ACRV1: variants seen among roughly 807,000 people sequenced by gnomAD.
The protein encoded by ACRV1 is acrosomal vesicle protein 1.
ACRV1 carries 17 observed loss-of-function variants against 29.2 expected under a neutral mutation model. The ratio of observed to expected loss-of-function variants is 0.58; its 90% confidence interval spans 0.40 to 0.87. The LOEUF (loss-of-function observed/expected upper bound fraction) is 0.87, where lower values mean the gene tolerates loss of function less well. Among genes scored for constraint, ACRV1 ranks in the 40% least tolerant of loss-of-function variants. The pLI is 0.00. For synonymous variants in ACRV1, 98 were observed against 111.6 expected, an observed-to-expected ratio of 0.88 and a Z score of 0.77; for missense variants, 294 against 316.0, an observed-to-expected ratio of 0.93 and a Z score of 0.53.
At chr11:125,679,309 C>T (rs1942691423) in intron 1 of ACRV1, among the ~76,000 whole-genome samples, 1 of 150,138 alleles carries the variant, frequency 6.7e-6, no homozygotes, top group African/African-American at 2.4e-5. Context: ...CCTCCGCCTC[C>T]CGGGTTCAAG....
intron 3 of ACRV1, among the ~76,000 whole-genome samples, chr11:125,673,126 C>T (rs1051701317): frequency 6.6e-6 from 1 of 152,074 alleles, no homozygotes; most frequent in South Asian, 2.1e-4. Flanking sequence ...GAGATCTACT[C>T]ATCAAATTCT....
intron 2 of ACRV1, among the ~76,000 whole-genome samples, 197 bp from the exon 3 acceptor site, chr11:125,676,675 C>T (rs943733403): frequency 2.6e-5 from 4 of 152,056 alleles, no homozygotes; most frequent in Admixed American, 6.6e-5. Flanking sequence ...CATCTCTGAC[C>T]CTCATTGCTG....
Position 125,677,818 on chromosome 11 carries a change from G to T in ACRV1, c.532C>A (p.Pro178Thr). The T allele has an allele frequency of 6.2e-7, 1 of 1,614,108 alleles. No homozygotes were observed. The highest frequency in any genetic ancestry group is 8.5e-7 in the Non-Finnish European group (1 of 1,180,004). ...HASGEQASGAPISSTSTGTIL... is the reference protein window; with the variant it reads ...HASGEQASGATISSTSTGTIL... ...TCACCTGTAGATGTGCTTGAAATTGGTGCACCTGAAGCCTGTTCCCCTGAA... is the reference window on the plus strand; with the variant it reads ...TCACCTGTAGATGTGCTTGAAATTGTTGCACCTGAAGCCTGTTCCCCTGAA... The change falls in exon 2 of 4, where the codon CCA becomes ACA. Residue 178 changes from proline (P) to threonine (T), a missense_variant. Transcript: ENST00000533904.
At chr11:125,680,613 G>T in intron 1 of ACRV1, 116 bp downstream of exon 1, 1 of 920,538 alleles carries the variant, frequency 1.1e-6, no homozygotes, top group Non-Finnish European at 1.7e-6. Flanking sequence ...AGCTGCTCTT[G>T]ATTCTGACTC....
In ACRV1 at chr11:125,671,964, A is replaced by G. The variant is rs2134099338; in HGVS notation, c.*629T>C. The G allele has an allele frequency of 6.6e-6, 1 of 152,378 alleles. No homozygotes were observed. The highest frequency in any genetic ancestry group is 1.5e-5 in the Non-Finnish European group (1 of 68,082). 9.4% of individuals were successfully genotyped at this position (152,378 alleles called of 1,614,324 possible). On this transcript the variant is annotated 3_prime_UTR_variant, in exon 4 of 4. Transcript: ENST00000533904. ...GTGTGAAAAAAATGATTTAAGCATT[A>G]TGAACTGCTGCAATATATAGCAAAT...
intron 3 of ACRV1, among the ~76,000 whole-genome samples, chr11:125,674,506 G>A (rs1565394014): frequency 6.6e-6 from 1 of 152,200 alleles, no homozygotes; most frequent in East Asian, 1.9e-4. Context: ...TAAGTGTAGA[G>A]TGTAAACAGG....
rs1174022234 is a variant in ACRV1, at chr11:125,676,064, C to T, written c.673+295G>A. ...CTGGGATTACAGGTGCCCACCACCA[C>T]ACCTGGCTAGGTTTTGTATTTTTAG... On this transcript the variant is annotated intron_variant, in intron 3 of 3. Coordinates refer to ENST00000533904, the MANE Select transcript of ACRV1 (RefSeq NM_001612.6). 2.7e-5 allele frequency: 7 copies of T among 260,020 alleles called. No homozygotes were observed. In the South Asian group the frequency reaches 4.3e-4, roughly 16 times the overall value. 16.1% of individuals were successfully genotyped at this position (260,020 alleles called of 1,614,324 possible). A position where few individuals can be genotyped will look rare whatever the true frequency, so the allele number is the denominator to read the frequency against.
rs1942766128 is a variant in ACRV1, at chr11:125,680,833, G to A, written c.-53C>T. 1 of 1,489,552 alleles carries A rather than the reference G, an allele frequency of 6.7e-7. No individual in the cohort carries two copies. Among genetic ancestry groups the A allele is most frequent in the Middle Eastern group, 1.7e-4 (1 of 5,736 alleles). The allele number at this position is 1,489,552 out of a possible 1,614,324, so 92.3% of individuals were successfully genotyped here. On this transcript the variant is annotated 5_prime_UTR_variant, in exon 1 of 4. Transcript: ENST00000533904. Reference sequence around the variant, plus strand: ...GTGTGGGCCACAGCTTCTTCACAGAGCTATGAAGCAAACTGCGAGCAAAAG... The same window carrying A: ...GTGTGGGCCACAGCTTCTTCACAGAACTATGAAGCAAACTGCGAGCAAAAG...
intron 1 of ACRV1, among the ~76,000 whole-genome samples, chr11:125,678,921 T>G (rs1406756049): frequency 2.8e-5 from 4 of 141,790 alleles, no homozygotes; most frequent in African/African-American, 1.1e-4. Context: ...GGGTTGGGGA[T>G]TCAGAGAGCA....
At position 125,672,674 on chromosome 11, in the gene ACRV1, GC is replaced by G; in HGVS notation, c.716del (p.Cys239SerfsTer4). 6.2e-7 allele frequency: 1 copy of G among 1,614,124 alleles called. No individual in the cohort carries two copies. Among genetic ancestry groups the G allele is most frequent in the Non-Finnish European group, 8.5e-7 (1 of 1,180,006 alleles). ...CATGGGAGAAGAGGTTCATAGATGG[GC>G]ACATGTTCTCACACCCTTGAACCAT... ...QFMVQGCENM[C>X]PSMNLFSHGT... On this transcript the variant is annotated frameshift_variant, in exon 4 of 4. Coordinates refer to ENST00000533904, the MANE Select transcript of ACRV1 (RefSeq NM_001612.6). LOFTEE classifies it high-confidence loss of function.
Position 125,676,415 on chromosome 11 carries a change from T to C in ACRV1, c.617A>G (p.Glu206Gly). Residue 206 changes from glutamate to glycine, a missense_variant, in exon 3 of 4, where the codon GAG becomes GGG. Glu to Gly is a moderately conservative substitution (Grantham distance 98). Coordinates refer to ENST00000533904, the MANE Select transcript of ACRV1 (RefSeq NM_001612.6). ...MNDQGKCLRG[E>G]GTCITQNSQQ... ...GGAATTCTGAGTGATGCAGGTTCCC[T>C]CTCCACGAAGACATTTTCCTTGATC... 6.2e-7 allele frequency: 1 copy of C among 1,614,112 alleles called. No homozygotes were observed. The highest frequency in any genetic ancestry group is 8.5e-7 in the Non-Finnish European group (1 of 1,179,994).
chr11:125,678,977 A>T (rs866231200), intron 1 of ACRV1, among the ~76,000 whole-genome samples: 11 of 15,286 alleles, frequency 7.2e-4, no homozygotes, highest in African/African-American at 3.0e-3. Context: ...GTCTAGGCAT[A>T]TTATATATAT....
chr11:125,678,369 G>T, intron 1 of ACRV1, 72 bp from the exon 2 acceptor site: 1 of 1,540,764 alleles, frequency 6.5e-7, no homozygotes, highest in Non-Finnish European at 8.8e-7. Context: ...TTCCTATGGA[G>T]TTAGGCTAAT....
chr11:125,676,565 A>G (rs895193460), intron 2 of ACRV1, 87 bp from the exon 3 acceptor site: 126 of 1,499,938 alleles, frequency 8.4e-5, no homozygotes, highest in Non-Finnish European at 1.1e-4. Context: ...AATGGGCAAT[A>G]GGTAGCATGG....
At position 125,673,094 on chromosome 11, in the gene ACRV1, G is replaced by A. The variant is rs530965719; in HGVS notation, c.674-377C>T. 1.7e-4 allele frequency among the ~76,000 whole-genome samples: 26 copies of A among 150,950 alleles called. No homozygotes were observed. The East Asian group carries it at 1.8e-3, about 10-fold the overall frequency. On this transcript the variant is annotated intron_variant, in intron 3 of 3. Transcript: ENST00000533904. ...GTTTGAATCATGACCCTACTATGCCGAAACCTCTCTCAAAAGTCATAGAGA... is the reference window on the plus strand; with the variant it reads ...GTTTGAATCATGACCCTACTATGCCAAAACCTCTCTCAAAAGTCATAGAGA...
intron 1 of ACRV1, among the ~76,000 whole-genome samples, chr11:125,679,463 C>A (rs1200566273): frequency 1.3e-5 from 2 of 152,250 alleles, no homozygotes; most frequent in East Asian, 3.9e-4. Flanking sequence ...AGTGATCCGC[C>A]CGCCTCAGCC....
chr11:125,679,419 T>C (rs941032064), intron 1 of ACRV1, among the ~76,000 whole-genome samples: 12 of 152,196 alleles, frequency 7.9e-5, no homozygotes, highest in African/African-American at 2.4e-5. Context: ...GGTCTCGCCA[T>C]GTTGGCCAGG....
rs757731408 is a variant in ACRV1 at position 125,678,270 on chromosome 11, G to A, written c.80C>T (p.Ser27Phe). ...RGTSSQPNEL[S>F]GSIDHQTSVQ... ...TGAAGTTTGATGATCTATGGAGCCA[G>A]AAAGCTCATTAGGCTGACTTGATGT... is the stretch of plus-strand genomic sequence containing the variant. The change falls in exon 2 of 4, where the codon TCT becomes TTT. Residue 27 changes from serine (S) to phenylalanine (F), a missense_variant. Transcript: ENST00000533904. The A allele has an allele frequency of 6.2e-7, 1 of 1,614,152 alleles. No individual in the cohort carries two copies. Among genetic ancestry groups the A allele is most frequent in the South Asian group, 1.1e-5 (1 of 91,078 alleles).
chr11:125,677,808 C>T lies in ACRV1; in HGVS notation c.542G>A (p.Ser181Asn). Residue 181 changes from serine (S) to asparagine (N), a missense_variant, in exon 2 of 4, where the codon AGC becomes AAC. Physicochemically the swap from Ser to Asn is conservative, Grantham distance 46 (BLOSUM62 1). Coordinates refer to ENST00000533904, the MANE Select transcript of ACRV1 (RefSeq NM_001612.6). Reference protein sequence around the residue: ...GEQASGAPISSTSTGTILNCY... With the variant: ...GEQASGAPISNTSTGTILNCY... ...CAAACATGGCTCACCTGTAGATGTG[C>T]TTGAAATTGGTGCACCTGAAGCCTG... The T allele has an allele frequency of 1.2e-6, 2 of 1,614,122 alleles. No individual in the cohort carries two copies. The highest frequency in any genetic ancestry group is 1.7e-6 in the Non-Finnish European group (2 of 1,179,996).
Sources: gnomAD v4.1 joint callset for allele counts (sites outside exome capture counted in the v4.1 genomes callset) on GRCh38, gnomAD v4.1.1 for gene constraint, MANE v1.5 for transcripts, NCBI Gene and HGNC (gene_info 2026-07-23, HGNC 2026-07-21) for gene names.